Variants in EVI5 observed in about 807,000 individuals in gnomAD.
EVI5 encodes the protein ecotropic viral integration site 5, also known as ecotropic viral integration site 5 protein homolog.
Under a neutral mutation model 112.0 loss-of-function variants are expected in EVI5, and 73 were observed. The ratio of observed to expected loss-of-function variants is 0.65; its 90% CI spans 0.54 to 0.79. The LOEUF (loss-of-function observed/expected upper bound fraction) is 0.79. Among genes scored for constraint, EVI5 ranks in the 30% least tolerant of loss-of-function variants. EVI5 has a pLI of 0.00. For synonymous variants in EVI5, 305 were observed against 319.9 expected (o/e 0.95, Z 0.50); for missense variants, 900 against 968.8 (o/e 0.93, Z 0.94).
intron 1 of EVI5, among the ~76,000 whole-genome samples, chr1:92,751,840 C>T (rs1243178714): frequency 6.6e-6 from 1 of 151,906 alleles, no homozygotes; most frequent in African/African-American, 2.4e-5. Flanking sequence ...GGTGAAACCC[C>T]ATCTCTACTA....
At chr1:92,558,942 A>G (rs1408910967) in intron 19 of EVI5, among the ~76,000 whole-genome samples, 2 of 152,140 alleles carry the variant, frequency 1.3e-5, no homozygotes, top group Non-Finnish European at 2.9e-5. Flanking sequence ...GCTTTCCACT[A>G]TACACCGTGG....
intron 18 of EVI5, among the ~76,000 whole-genome samples, chr1:92,594,108 G>C (rs1674499398): frequency 6.6e-6 from 1 of 152,204 alleles, no homozygotes; most frequent in South Asian, 2.1e-4. Context: ...GCATTGCCAA[G>C]TCAATCCTAA....
upstream of EVI5, among the ~76,000 whole-genome samples, chr1:92,789,104 C>A (rs1303367562): frequency 2.6e-5 from 4 of 152,116 alleles, no homozygotes; most frequent in African/African-American, 9.7e-5. Context: ...GGCCCTGTAG[C>A]ACTTCTCTGA....
Position 92,662,012 on chromosome 1 carries a change from AT to A in EVI5, c.1392+706del, listed in dbSNP as rs1664098341. On this transcript the variant is annotated intron_variant, in intron 13 of 19. Transcript: ENST00000684568. ...CCTGATTAAGATCGCCCTTGTCTGA[AT>A]TTGCCAATGGAAAATGTCTAAGCTG... Among the ~76,000 whole-genome samples, 4 of 151,948 alleles carry A rather than the reference AT, an allele frequency of 2.6e-5. 1 individual carries two copies. In the South Asian group the frequency reaches 8.3e-4, roughly 31 times the overall value.
At chr1:92,533,333 T>C (rs766428816) in intron 19 of EVI5, among the ~76,000 whole-genome samples, 18 of 152,108 alleles carry the variant, frequency 1.2e-4, no homozygotes, top group African/African-American at 3.9e-4. Context: ...ACCAGACAGA[T>C]TCACAGCTGA....
At chr1:92,573,443 A>G (rs892048212) in intron 18 of EVI5, among the ~76,000 whole-genome samples, 1 of 152,092 alleles carries the variant, frequency 6.6e-6, no homozygotes, top group African/African-American at 2.4e-5. Context: ...ATATTATTTT[A>G]TAAGTTTAAT....
intron 1 of EVI5, among the ~76,000 whole-genome samples, chr1:92,762,967 T>C (rs1180938824): frequency 6.6e-6 from 1 of 151,882 alleles, no homozygotes; most frequent in Non-Finnish European, 1.5e-5. Context: ...CCTAAATCTG[T>C]AAAAATAAAA....
chr1:92,622,334 T>A (rs1654777614), intron 16 of EVI5: 1 of 448,646 alleles, frequency 2.2e-6, no homozygotes, highest in Non-Finnish European at 4.5e-6. Flanking sequence ...GGTCCACAGG[T>A]TCCAGACTGC....
intron 10 of EVI5, among the ~76,000 whole-genome samples, chr1:92,668,506 G>A (rs1484139847): frequency 6.6e-6 from 1 of 152,186 alleles, no homozygotes; most frequent in Non-Finnish European, 1.5e-5. Flanking sequence ...CCAGACAACT[G>A]AGTGAATAAA....
At chr1:92,717,124 C>T (rs962036513) in intron 2 of EVI5, among the ~76,000 whole-genome samples, 2 of 152,162 alleles carry the variant, frequency 1.3e-5, no homozygotes, top group Non-Finnish European at 2.9e-5. Flanking sequence ...GGCATGAGAA[C>T]TACGTGATGC....
intron 19 of EVI5, among the ~76,000 whole-genome samples, chr1:92,528,160 A>G (rs531184972): frequency 6.6e-6 from 1 of 152,354 alleles, no homozygotes; most frequent in South Asian, 2.1e-4. Context: ...TGTTCTTAAT[A>G]GAAAATACAA....
intron 1 of EVI5, among the ~76,000 whole-genome samples, chr1:92,783,808 C>CAAA (rs58484805): frequency 2.1e-5 from 2 of 94,294 alleles, no homozygotes; most frequent in Admixed American, 1.1e-4. Flanking sequence ...GACTCCCTGT[C>CAAA]AAAAAAAAAA....
chr1:92,595,449 A>C lies in EVI5; in HGVS notation c.2070+9858T>G, dbSNP rs182811060. On this transcript the variant is annotated intron_variant, in intron 18 of 19. Transcript: ENST00000684568. Reference sequence around the variant, plus strand: ...GGGAGGTTGGAGGGATAGCATTAGGAGATATACCTAATGTTAAATGACGAG... The same window carrying C: ...GGGAGGTTGGAGGGATAGCATTAGGCGATATACCTAATGTTAAATGACGAG... 4.6e-5 allele frequency among the ~76,000 whole-genome samples: 7 copies of C among 152,296 alleles called. No homozygotes were observed. The East Asian group carries it at 1.2e-3, about 25-fold the overall frequency.
In EVI5 at chr1:92,624,185, C is replaced by G. The variant is rs777421217; in HGVS notation, c.1818G>C (p.Met606Ile). The change falls in exon 16 of 20, where the codon ATG (methionine) becomes ATC (isoleucine). Residue 606 changes from methionine to isoleucine, a missense_variant. Transcript: ENST00000684568. ...IREIKQRMME[M>I]ETQNQINSNH... ...GGCTTTCCCATCATACCTGTGTTTC[C>G]ATTTCCATCATCCTTTGTTTTATTT... The G allele has an allele frequency of 8.7e-6, 14 of 1,613,444 alleles. No individual in the cohort carries two copies. In the East Asian group the frequency reaches 2.9e-4, roughly 33 times the overall value.
At chr1:92,514,272 G>C (rs942899806) in intron 19 of EVI5, among the ~76,000 whole-genome samples, 1 of 152,068 alleles carries the variant, frequency 6.6e-6, no homozygotes, top group African/African-American at 2.4e-5. Flanking sequence ...TCCCACCTCA[G>C]CCTCCTGAGT....
intron 1 of EVI5, among the ~76,000 whole-genome samples, chr1:92,743,291 T>C (rs1464116144): frequency 6.6e-6 from 1 of 152,004 alleles, no homozygotes; most frequent in Non-Finnish European, 1.5e-5. Context: ...AGGCGGAGGT[T>C]GCAGTGCATC....
At chr1:92,787,344 A>C (rs1685714091), upstream of EVI5, among the ~76,000 whole-genome samples, 1 of 152,192 alleles carries the variant, frequency 6.6e-6, no homozygotes, top group African/African-American at 2.4e-5. Context: ...TAACCTTTAA[A>C]ACAGTTCTCA....
rs1669813363 is a variant in EVI5 at position 92,568,372 on chromosome 1, T to TAA, written c.2071-4636_2071-4635insTT. ...GCCTGGGAGACAGCAAAAACCTATC[T>TAA]TAAAAAAAAAAAAAAAGGAAAAAAG... On this transcript the variant is annotated intron_variant, in intron 18 of 19. Transcript: ENST00000684568. Among the ~76,000 whole-genome samples, 7 of 16,272 alleles carry TAA rather than the reference T, an allele frequency of 4.3e-4. No individual in the cohort carries two copies. The East Asian group carries it at 0.021, about 48-fold the overall frequency. The allele number at this position is 16,272 out of a possible 152,430, so 10.7% of individuals were successfully genotyped here. A position where few individuals can be genotyped will look rare whatever the true frequency, so the allele number is the denominator to read the frequency against.
chr1:92,596,524 C>T (rs1647927106), intron 18 of EVI5, among the ~76,000 whole-genome samples: 1 of 152,048 alleles, frequency 6.6e-6, no homozygotes, highest in South Asian at 2.1e-4. Context: ...TATTAGTATC[C>T]TGGAATAATT....
Sources: allele counts gnomAD v4.1 joint callset (sites outside exome capture counted in the v4.1 genomes callset), GRCh38; gene constraint gnomAD v4.1.1; transcripts MANE v1.5; gene names NCBI Gene and HGNC (gene_info 2026-07-23, HGNC 2026-07-21).